The following TECR variants were observed in gnomAD, a reference collection of about 807,000 sequenced individuals.
TECR encodes very-long-chain enoyl-CoA reductase.
In TECR, 19 loss-of-function variants were observed where a neutral mutation model predicts 50.6. That is an observed-to-expected ratio of 0.38 (90% CI 0.26 to 0.55). The LOEUF (loss-of-function observed/expected upper bound fraction) is 0.55, where lower values mean the gene tolerates loss of function less well. TECR is among the 20% of genes least tolerant of loss of function. The pLI is 0.79. For synonymous variants in TECR, 168 were observed against 163.5 expected (o/e 1.03, Z -0.21); for missense variants, 313 against 408.3 (o/e 0.77, Z 2.01).
chr19:14,565,730 G>C lies in TECR; in HGVS notation c.800-14G>C, dbSNP rs774441217. On this transcript the variant is annotated splice_polypyrimidine_tract_variant and intron_variant, in intron 12 of 12. Transcript: ENST00000215567. ...GGCCGGCAGCCCCTCCCTGACGCCC[G>C]TTCTTTCCTGCAGTGGCCCTGTTCT... 1.6e-5 allele frequency: 25 copies of C among 1,612,188 alleles called. No homozygotes were observed. Among genetic ancestry groups the C allele is most frequent in the Non-Finnish European group, 2.0e-5 (24 of 1,179,718 alleles).
chr19:14,564,794 C>T lies in TECR; in HGVS notation c.498C>T (p.Thr166=), dbSNP rs1323344660. The change falls in exon 8 of 13, where the codon ACC becomes ACT. Residue 166 remains threonine (T), a synonymous_variant. Coordinates refer to ENST00000215567, the MANE Select transcript of TECR (RefSeq NM_138501.6). ...GCCCTGCTCCCTTTCAGAACTGCACCTACTACTGGGGCTTCGCCGCGTGGA... is the reference window on the plus strand; with the variant it reads ...GCCCTGCTCCCTTTCAGAACTGCACTTACTACTGGGGCTTCGCCGCGTGGA... ...MPLRNIFKNC[T]YYWGFAAWMA... 2 of 1,613,554 alleles carry T rather than the reference C, an allele frequency of 1.2e-6. No individual in the cohort carries two copies. Among genetic ancestry groups the T allele is most frequent in the East Asian group, 2.2e-5 (1 of 44,768 alleles).
intron 1 of TECR, among the ~76,000 whole-genome samples, chr19:14,542,006 C>T (rs1225157302): frequency 2.0e-5 from 3 of 152,164 alleles, no homozygotes; most frequent in African/African-American, 7.2e-5. Context: ...TGGTTTCGAA[C>T]TCCTGACCTC....
intron 1 of TECR, among the ~76,000 whole-genome samples, chr19:14,545,547 A>T (rs934309730): frequency 6.7e-6 from 1 of 149,236 alleles, no homozygotes; most frequent in Non-Finnish European, 1.5e-5. Context: ...GCGCACTGTC[A>T]TATCCCGGCC....
At chr19:14,557,007 C>T (rs994867986) in intron 1 of TECR, among the ~76,000 whole-genome samples, 3 of 152,102 alleles carry the variant, frequency 2.0e-5, no homozygotes, top group Admixed American at 6.6e-5. Context: ...GTGGATGGGC[C>T]CCTTCAAGAG....
intron 1 of TECR, among the ~76,000 whole-genome samples, chr19:14,534,423 CTTTTTTTTTTTTTT>C (rs756051119): frequency 3.8e-5 from 2 of 52,488 alleles, no homozygotes; most frequent in African/African-American, 9.3e-5. Context: ...CATGCCTGGC[CTTTTTTTTTTTTTT>C]TTTTTTTTTT....
intron 1 of TECR, among the ~76,000 whole-genome samples, chr19:14,550,210 G>A (rs2073449231): frequency 6.6e-6 from 1 of 152,044 alleles, no homozygotes; most frequent in South Asian, 2.1e-4. Flanking sequence ...TTCCTTACCT[G>A]CAAAAGAGGA....
chr19:14,542,347 G>GTTTTTTTTTTTTTTTT lies in TECR; in HGVS notation c.15+12650_15+12665dup, dbSNP rs71166754. ...CCTCAGGGGGCCCTCATGCCATAGT[G>GTTTTTTTTTTTTTTTT]TTTTTTTTTTTTTTTTTTTTTTTTT... On this transcript the variant is annotated intron_variant, in intron 1 of 12. Transcript: ENST00000215567. Among the ~76,000 whole-genome samples the GTTTTTTTTTTTTTTTT allele has an allele frequency of 1.3e-3, 57 of 43,300 alleles. 12 individuals are homozygous for GTTTTTTTTTTTTTTTT. The highest frequency in any genetic ancestry group is 1.9e-3 in the South Asian group (2 of 1,080). The allele number at this position is 43,300 out of a possible 152,430, so 28.4% of individuals were successfully genotyped here. A position where few individuals can be genotyped will look rare whatever the true frequency, so the allele number is the denominator to read the frequency against.
intron 1 of TECR, among the ~76,000 whole-genome samples, chr19:14,546,280 T>A (rs2146590262): frequency 6.6e-6 from 1 of 151,914 alleles, no homozygotes; most frequent in African/African-American, 2.4e-5. Context: ...GATTTTTTTT[T>A]TTGCTCTGAG....
rs2146630428 is a variant in TECR at position 14,562,716 on chromosome 19, G to T, written c.66+141G>T. 4.1e-6 allele frequency: 4 copies of T among 966,300 alleles called. No individual in the cohort carries two copies. In the East Asian group the frequency reaches 9.8e-5, roughly 24 times the overall value. The allele number at this position is 966,300 out of a possible 1,614,324, so 59.9% of individuals were successfully genotyped here. On this transcript the variant is annotated intron_variant, in intron 2 of 12. Transcript: ENST00000215567. The stretch of plus-strand genomic sequence containing the variant: ...GGGGTATGCCCTCACTTGGGGTAGG[G>T]TGGATAGCCATGTCCCCTGGGTGTG...
At chr19:14,529,891 G>A in intron 1 of TECR, 180 bp downstream of exon 1, 2 of 849,702 alleles carry the variant, frequency 2.4e-6, no homozygotes, top group Admixed American at 2.4e-5. Flanking sequence ...CATGTGCGCA[G>A]GAAGTATTTA....
chr19:14,536,948 C>T (rs1252648537), intron 1 of TECR, among the ~76,000 whole-genome samples: 2 of 126,062 alleles, frequency 1.6e-5, no homozygotes, highest in Non-Finnish European at 3.2e-5. Context: ...GGACACGGGG[C>T]AGATGTGGGG....
chr19:14,543,411 ATATATATATTTTTTTTTTTTTTTT>A (rs1296141237), intron 1 of TECR, among the ~76,000 whole-genome samples: 25 of 9,124 alleles, frequency 2.7e-3, no homozygotes, highest in African/African-American at 8.3e-3. Flanking sequence ...ATATATATAT[ATATATATATTTTTTTTTTTTTTTT>A]TTTTTTTTTT....
At chr19:14,533,640 G>A (rs1053148815) in intron 1 of TECR, among the ~76,000 whole-genome samples, 1 of 152,118 alleles carries the variant, frequency 6.6e-6, no homozygotes, top group African/African-American at 2.4e-5. Context: ...ATGGCAGTTG[G>A]GATCCCAGCA....
intron 1 of TECR, among the ~76,000 whole-genome samples, chr19:14,547,944 G>C (rs1233294525): frequency 6.6e-6 from 1 of 150,430 alleles, no homozygotes; most frequent in African/African-American, 2.5e-5. Context: ...CCAACCATGT[G>C]TGTGTTTAAT....
intron 1 of TECR, chr19:14,562,019 T>G: frequency 1.1e-5 from 3 of 265,522 alleles, no homozygotes; most frequent in East Asian, 8.4e-5. Context: ...CCCTGGGGCT[T>G]TCCCTGTGCT....
At chr19:14,541,694 C>G (rs939984073) in intron 1 of TECR, among the ~76,000 whole-genome samples, 6 of 152,032 alleles carry the variant, frequency 3.9e-5, no homozygotes. Flanking sequence ...AGGCATGGAG[C>G]CCAGAGTTTG....
Position 14,565,815 on chromosome 19 carries a change from A to G in TECR, c.871A>G (p.Lys291Glu). 6.2e-7 allele frequency: 1 copy of G among 1,601,604 alleles called. No homozygotes were observed. Among genetic ancestry groups the G allele is most frequent in the East Asian group, 2.3e-5 (1 of 44,286 alleles). Residue 291 changes from lysine to glutamate, a missense_variant, in exon 13 of 13, where the codon AAG becomes GAG. By Grantham distance (56) the Lys-to-Glu change is moderately conservative. Transcript: ENST00000215567. ...WAKGKHRSYL[K>E]EFRDYPPLRM... ...CAAGGGCAAGCACCGCAGCTACCTG[A>G]AGGAGTTCCGGGACTACCCGCCCCT...
In TECR at chr19:14,563,516, G is replaced by A. The variant is rs1230568711; in HGVS notation, c.119-142G>A. 1.8e-6 allele frequency: 2 copies of A among 1,118,266 alleles called. No homozygotes were observed. Among genetic ancestry groups the A allele is most frequent in the Non-Finnish European group, 2.6e-6 (2 of 757,940 alleles). The allele number at this position is 1,118,266 out of a possible 1,614,324, so 69.3% of individuals were successfully genotyped here. A position where few individuals can be genotyped will look rare whatever the true frequency, so the allele number is the denominator to read the frequency against. On this transcript the variant is annotated intron_variant, in intron 3 of 12. Transcript: ENST00000215567. The surrounding 1 kb of genome is among the most constrained non-coding windows in gnomAD (Gnocchi z 5.3). ...TGTCCTGAAACCGCACAAGCCTGAG[G>A]GTTTGCCCCCAGGTGGGAGGAGCTG...
intron 1 of TECR, among the ~76,000 whole-genome samples, chr19:14,546,803 C>T (rs973704305): frequency 4.9e-4 from 74 of 152,274 alleles, no homozygotes; most frequent in African/African-American, 1.7e-3. Flanking sequence ...CATTCTCCCA[C>T]CTTAGCCTCC....
Sources: gnomAD v4.1 joint callset for allele counts (sites outside exome capture counted in the v4.1 genomes callset) on GRCh38, gnomAD v4.1.1 for gene constraint, Gnocchi (gnomAD v3.1) non-coding constraint, MANE v1.5 for transcripts, NCBI Gene and HGNC (gene_info 2026-07-23, HGNC 2026-07-21) for gene names.